The following DLG2 variants were observed in gnomAD, a reference collection of about 807,000 sequenced individuals.
The protein encoded by DLG2 is disks large homolog 2.
In DLG2, 45 loss-of-function variants were observed where a neutral mutation model predicts 132.5. The observed-to-expected ratio is 0.34, with a 90% confidence interval of 0.27 to 0.44. DLG2 has a LOEUF of 0.44. Among genes scored for constraint, DLG2 ranks in the 20% least tolerant of loss-of-function variants. The probability of loss-of-function intolerance (pLI) is 1.00; values close to 1 mark genes in which losing one functional copy is unlikely to be tolerated. For missense variants in DLG2, 1,045 were observed against 1,196.9 expected (o/e 0.87, Z 1.87); for synonymous variants, 424 against 419.6 (o/e 1.01, Z -0.13).
In DLG2 at chr11:84,906,381, A is replaced by AACACACAC. The variant is rs35833007; in HGVS notation, c.357+205272_357+205279dup. On this transcript the variant is annotated intron_variant, in intron 6 of 27. Transcript: ENST00000376104. ...GTTGTCCATTACCCACAGCAAGGCT[A>AACACACAC]ACACACACACACACACACACACACA... Among the ~76,000 whole-genome samples the AACACACAC allele has an allele frequency of 3.2e-3, 460 of 144,262 alleles. 4 individuals carry two copies. The highest frequency in any genetic ancestry group is 0.026 in the East Asian group (125 of 4,834). 94.6% of individuals were successfully genotyped at this position (144,262 alleles called of 152,430 possible). A position where few individuals can be genotyped will look rare whatever the true frequency, so the allele number is the denominator to read the frequency against.
At position 83,814,416 on chromosome 11, in the gene DLG2, CTCT is replaced by C. The variant is rs1407384623; in HGVS notation, c.1722+19195_1722+19197del. ...ATATATAATCCCAAAACTGCTATTT[CTCT>C]TCTTCTATAATTTCAGAATGATAGC... On this transcript the variant is annotated intron_variant, in intron 17 of 27. Transcript: ENST00000376104. Among the ~76,000 whole-genome samples the C allele has an allele frequency of 3.3e-5, 5 of 152,258 alleles. No individual in the cohort carries two copies. In the East Asian group the frequency reaches 5.8e-4, roughly 18 times the overall value.
intron 17 of DLG2, among the ~76,000 whole-genome samples, chr11:83,789,166 C>G (rs1469464894): frequency 6.9e-6 from 1 of 145,326 alleles, no homozygotes; most frequent in Non-Finnish European, 1.5e-5. Flanking sequence ...TTCCATTACC[C>G]AAGAGTATGC....
chr11:84,764,501 T>C lies in DLG2; in HGVS notation c.358-229770A>G, dbSNP rs117927105. ...GTTCTAAGCACTTTATAATAAAAAA[T>C]GGCTAATTGAATCCTCACAACAGTC... is the stretch of plus-strand genomic sequence containing the variant. On this transcript the variant is annotated intron_variant, in intron 6 of 27. Transcript: ENST00000376104. Among the ~76,000 whole-genome samples, 666 of 152,174 alleles carry C rather than the reference T, an allele frequency of 4.4e-3. 7 individuals are homozygous for C. Among genetic ancestry groups the C allele is most frequent in the Non-Finnish European group, 7.2e-3 (489 of 67,986 alleles).
At chr11:84,146,444 T>C (rs1487219457) in intron 9 of DLG2, among the ~76,000 whole-genome samples, 1 of 152,042 alleles carries the variant, frequency 6.6e-6, no homozygotes, top group Non-Finnish European at 1.5e-5. Flanking sequence ...TATCAAAACA[T>C]CTCATGTACC....
At chr11:84,261,485 C>T (rs907612788) in intron 7 of DLG2, among the ~76,000 whole-genome samples, 1 of 152,198 alleles carries the variant, frequency 6.6e-6, no homozygotes, top group African/African-American at 2.4e-5. Flanking sequence ...CTATTCCCCA[C>T]ATTTTAAAGC....
chr11:83,786,083 CA>C (rs1489713959), intron 18 of DLG2, among the ~76,000 whole-genome samples: 1 of 152,142 alleles, frequency 6.6e-6, no homozygotes, highest in Non-Finnish European at 1.5e-5. Flanking sequence ...AACACGGAAA[CA>C]GATGTTTAAA....
chr11:83,657,534 C>CTTTTTTTTTTTTTTTTTTTT (rs540422330), intron 18 of DLG2, among the ~76,000 whole-genome samples: 1 of 93,398 alleles, frequency 1.1e-5, no homozygotes, highest in African/African-American at 4.7e-5. Context: ...ATTGTCTATT[C>CTTTTTTTTTTTTTTTTTTTT]TTTTTTTTTT....
rs570839774 is a variant in DLG2 at position 83,978,136 on chromosome 11, C to T, written c.1056+2370G>A. ...AATGGTAATAAAAAATAGTGTAGTGCCTGGAAAATCCTTTGACAGAATTAT... is the reference window on the plus strand; with the variant it reads ...AATGGTAATAAAAAATAGTGTAGTGTCTGGAAAATCCTTTGACAGAATTAT... On this transcript the variant is annotated intron_variant, in intron 12 of 27. Transcript: ENST00000376104. Among the ~76,000 whole-genome samples, 4 of 150,988 alleles carry T rather than the reference C, an allele frequency of 2.6e-5. No homozygotes were observed. In the South Asian group the frequency reaches 8.3e-4, roughly 32 times the overall value.
chr11:84,287,967 T>C (rs1229409420), intron 7 of DLG2, among the ~76,000 whole-genome samples: 1 of 70,240 alleles, frequency 1.4e-5, no homozygotes, highest in Non-Finnish European at 3.0e-5. Flanking sequence ...ATTAAAAAAA[T>C]AGTATGGAAA....
intron 3 of DLG2, chr11:85,469,297 T>C (rs2092909214): frequency 6.6e-6 from 1 of 152,240 alleles, no homozygotes; most frequent in Non-Finnish European, 1.5e-5. Context: ...ATTCCAACTC[T>C]GGCTCCTTGT....
chr11:83,835,890 A>C (rs1038019123), intron 16 of DLG2, among the ~76,000 whole-genome samples: 47 of 152,182 alleles, frequency 3.1e-4, no homozygotes, highest in African/African-American at 1.1e-3. Context: ...AGAGAAAGCC[A>C]ACATGAGATT....
At chr11:85,187,819 T>C (rs577413670) in intron 4 of DLG2, among the ~76,000 whole-genome samples, 1 of 152,110 alleles carries the variant, frequency 6.6e-6, no homozygotes, top group African/African-American at 2.4e-5. Flanking sequence ...GCAGTAACAG[T>C]AACAGTCTCA....
chr11:83,831,436 G>A (rs920938024), intron 17 of DLG2, among the ~76,000 whole-genome samples: 20 of 151,976 alleles, frequency 1.3e-4, no homozygotes, highest in African/African-American at 4.6e-4. Context: ...TGACACATAC[G>A]ACAAGGCTAT....
intron 4 of DLG2, among the ~76,000 whole-genome samples, chr11:85,277,546 A>C (rs1380864342): frequency 6.6e-6 from 1 of 152,144 alleles, no homozygotes; most frequent in Non-Finnish European, 1.5e-5. Flanking sequence ...GAGTACTCCA[A>C]AGAAAAATCT....
At chr11:84,589,587 T>A (rs899509860) in intron 6 of DLG2, among the ~76,000 whole-genome samples, 5 of 152,294 alleles carry the variant, frequency 3.3e-5, no homozygotes, top group Middle Eastern at 3.4e-3. Flanking sequence ...AAAGAAATTT[T>A]AAAAAATGTT....
chr11:84,596,428 G>A (rs1316773021), intron 6 of DLG2, among the ~76,000 whole-genome samples: 2 of 148,690 alleles, frequency 1.3e-5, no homozygotes, highest in African/African-American at 5.0e-5. Context: ...TCGACACGTT[G>A]GCCAGGCTCC....
intron 7 of DLG2, among the ~76,000 whole-genome samples, chr11:84,400,124 G>C (rs2098824558): frequency 1.3e-5 from 2 of 152,294 alleles, no homozygotes; most frequent in South Asian, 4.1e-4. Flanking sequence ...GCTTGGGAAG[G>C]CAGGAAATTT....
At position 85,367,711 on chromosome 11, in the gene DLG2, T is replaced by C. The variant is rs538116256; in HGVS notation, c.41-82346A>G. Among the ~76,000 whole-genome samples, 42 of 152,284 alleles carry C rather than the reference T, an allele frequency of 2.8e-4. No individual in the cohort carries two copies. In the South Asian group the frequency reaches 8.3e-3, roughly 30 times the overall value. On this transcript the variant is annotated intron_variant, in intron 3 of 27. Transcript: ENST00000376104. ...GAATTTTGTATGAATTAACTGAACATATATATACTTAAAGCACTTACAATA... is the reference window on the plus strand; with the variant it reads ...GAATTTTGTATGAATTAACTGAACACATATATACTTAAAGCACTTACAATA...
chr11:84,267,634 A>C (rs1272464408), intron 7 of DLG2, among the ~76,000 whole-genome samples: 2 of 152,214 alleles, frequency 1.3e-5, no homozygotes, highest in Admixed American at 6.5e-5. Context: ...ACTGGAACTA[A>C]GAACTGGGAG....
Sources: allele counts gnomAD v4.1 joint callset (sites outside exome capture counted in the v4.1 genomes callset), GRCh38; gene constraint gnomAD v4.1.1; transcripts MANE v1.5; gene names NCBI Gene and HGNC (gene_info 2026-07-23, HGNC 2026-07-21).